GMDS: variants seen among roughly 807,000 people sequenced by gnomAD.
GMDS encodes the protein GDP-mannose 4,6-dehydratase.
A neutral mutation model predicts 49.9 loss-of-function variants in GMDS; 20 were observed. The observed-to-expected ratio is 0.40, with a 90% CI of 0.28 to 0.58. GMDS has a LOEUF of 0.58. GMDS is among the 20% of genes least tolerant of loss of function. GMDS has a pLI of 0.42. For synonymous variants in GMDS, 177 were observed against 178.6 expected, an observed-to-expected ratio of 0.99 and a Z score of 0.07; for missense variants, 362 against 481.4, an observed-to-expected ratio of 0.75 and a Z score of 2.32.
chr6:1,702,275 G>C (rs1285443437), intron 9 of GMDS, among the ~76,000 whole-genome samples: 1 of 152,134 alleles, frequency 6.6e-6, no homozygotes, highest in Non-Finnish European at 1.5e-5. Flanking sequence ...AGGAATGCCT[G>C]GTATGGCTCC....
At chr6:2,070,265 T>C (rs1771905243) in intron 4 of GMDS, among the ~76,000 whole-genome samples, 3 of 113,158 alleles carry the variant, frequency 2.7e-5, no homozygotes, top group Middle Eastern at 0.012. Flanking sequence ...CTGGGGCCTG[T>C]TGTGGGGTGG....
At chr6:1,684,333 C>T (rs974422575) in intron 9 of GMDS, among the ~76,000 whole-genome samples, 6 of 152,136 alleles carry the variant, frequency 3.9e-5, no homozygotes, top group Non-Finnish European at 8.8e-5. Context: ...CCAGATGAAC[C>T]GTGGGCTCAC....
At chr6:1,919,692 T>C (rs1228252456) in intron 7 of GMDS, among the ~76,000 whole-genome samples, 2 of 152,236 alleles carry the variant, frequency 1.3e-5, no homozygotes, top group Non-Finnish European at 2.9e-5. Context: ...TTGAATATTC[T>C]TCACCTTCAA....
intron 4 of GMDS, among the ~76,000 whole-genome samples, chr6:2,089,747 T>C (rs1052359800): frequency 6.6e-6 from 1 of 152,202 alleles, no homozygotes; most frequent in Non-Finnish European, 1.5e-5. Context: ...CTCCTAAAAC[T>C]AAATCCTGAG....
intron 4 of GMDS, among the ~76,000 whole-genome samples, chr6:1,994,988 A>G (rs1231057858): frequency 6.6e-6 from 1 of 152,226 alleles, no homozygotes; most frequent in South Asian, 2.1e-4. Flanking sequence ...TAAAGCATGT[A>G]TGATTGGATC....
Position 1,737,913 on chromosome 6 carries a change from C to T in GMDS, c.890+4555G>A, listed in dbSNP as rs548392094. On this transcript the variant is annotated intron_variant, in intron 8 of 10. Coordinates refer to ENST00000380815, the MANE Select transcript of GMDS (RefSeq NM_001500.4). ...ACCCCACACACATACACACCACACA[C>T]CACACACAGATACATACACACCACA... is the stretch of plus-strand genomic sequence containing the variant. Among the ~76,000 whole-genome samples the T allele has an allele frequency of 6.4e-5, 9 of 141,306 alleles. No individual in the cohort carries two copies. The East Asian group carries it at 1.7e-3, about 27-fold the overall frequency. 92.7% of individuals were successfully genotyped at this position (141,306 alleles called of 152,430 possible).
At chr6:1,972,794 A>T in intron 4 of GMDS, among the ~76,000 whole-genome samples, 1 of 152,204 alleles carries the variant, frequency 6.6e-6, no homozygotes, top group East Asian at 1.9e-4. Context: ...TCACTGCTTA[A>T]GTTCCAATGT....
At chr6:1,665,099 A>T (rs1290968928) in intron 9 of GMDS, among the ~76,000 whole-genome samples, 1 of 151,936 alleles carries the variant, frequency 6.6e-6, no homozygotes. Context: ...ATACTTTTTA[A>T]TTTTTTTTAT....
At chr6:1,702,802 C>T (rs1765587498) in intron 9 of GMDS, among the ~76,000 whole-genome samples, 1 of 152,316 alleles carries the variant, frequency 6.6e-6, no homozygotes, top group Middle Eastern at 3.4e-3. Flanking sequence ...GCCTCACTGC[C>T]CATCTGGTGA....
At chr6:2,066,786 G>A (rs1371378497) in intron 4 of GMDS, among the ~76,000 whole-genome samples, 1 of 151,964 alleles carries the variant, frequency 6.6e-6, no homozygotes, top group South Asian at 2.1e-4. Flanking sequence ...GAACTACAAA[G>A]AGACTTAGAC....
intron 7 of GMDS, among the ~76,000 whole-genome samples, chr6:1,901,423 A>C (rs1760499277): frequency 6.6e-6 from 1 of 151,998 alleles, no homozygotes; most frequent in Admixed American, 6.6e-5. Flanking sequence ...CCATTGTAAC[A>C]AAAAAAACAT....
At chr6:2,171,470 T>A (rs1353487268) in intron 1 of GMDS, among the ~76,000 whole-genome samples, 1 of 152,198 alleles carries the variant, frequency 6.6e-6, no homozygotes, top group African/African-American at 2.4e-5. Context: ...AAATGGCAGA[T>A]GTGTTGATGA....
chr6:1,948,183 G>C (rs1763178406), intron 6 of GMDS, among the ~76,000 whole-genome samples: 1 of 152,128 alleles, frequency 6.6e-6, no homozygotes, highest in Non-Finnish European at 1.5e-5. Flanking sequence ...GTAGAACCTA[G>C]ACTGAGTCCA....
At chr6:1,751,204 CACA>C (rs1767716801) in intron 7 of GMDS, among the ~76,000 whole-genome samples, 1 of 152,224 alleles carries the variant, frequency 6.6e-6, no homozygotes, top group Non-Finnish European at 1.5e-5. Flanking sequence ...GATCTCCCAG[CACA>C]ACACTTGAGC....
intron 7 of GMDS, among the ~76,000 whole-genome samples, chr6:1,907,101 A>G (rs1339305857): frequency 2.0e-5 from 3 of 152,202 alleles, no homozygotes; most frequent in African/African-American, 7.2e-5. Flanking sequence ...TGTGTCTGCA[A>G]GCACACACTC....
chr6:2,099,935 C>T (rs535416082), intron 4 of GMDS, among the ~76,000 whole-genome samples: 3 of 152,086 alleles, frequency 2.0e-5, no homozygotes, highest in African/African-American at 4.8e-5. Context: ...TTGATAAGCA[C>T]AATACCACTT....
chr6:2,159,659 C>T (rs1313494659), intron 1 of GMDS, among the ~76,000 whole-genome samples: 1 of 151,450 alleles, frequency 6.6e-6, no homozygotes, highest in Non-Finnish European at 1.5e-5. Context: ...ACTGGGATTG[C>T]AGACGTATGC....
intron 7 of GMDS, among the ~76,000 whole-genome samples, chr6:1,858,022 C>A (rs1453960621): frequency 6.6e-6 from 1 of 152,112 alleles, no homozygotes; most frequent in Non-Finnish European, 1.5e-5. Context: ...ATCAATGTCA[C>A]CCTGTGTAAG....
At chr6:1,938,256 ATCT>A (rs1182316427) in intron 6 of GMDS, among the ~76,000 whole-genome samples, 1 of 152,170 alleles carries the variant, frequency 6.6e-6, no homozygotes, top group Admixed American at 6.5e-5. Context: ...GGGAATATAC[ATCT>A]TCTTATAATT....
Sources: allele counts gnomAD v4.1 joint callset (sites outside exome capture counted in the v4.1 genomes callset), GRCh38; gene constraint gnomAD v4.1.1; transcripts MANE v1.5; gene names NCBI Gene and HGNC (gene_info 2026-07-23, HGNC 2026-07-21).